ITPR1: variants seen among roughly 807,000 people sequenced by gnomAD.
ITPR1 encodes the protein inositol 1,4,5-trisphosphate receptor type 1, also known as inositol 1,4,5-trisphosphate-gated calcium channel ITPR1.
ITPR1 carries 96 observed loss-of-function variants against 318.4 expected under a neutral mutation model. The ratio of observed to expected loss-of-function variants is 0.30; its 90% CI spans 0.26 to 0.36. ITPR1 has a LOEUF of 0.36. ITPR1 is among the 10% of genes least tolerant of loss of function. The probability of loss-of-function intolerance (pLI) is 1.00; values close to 1 mark genes in which losing one functional copy is unlikely to be tolerated. For missense variants in ITPR1, 2,440 were observed against 3,460.2 expected (o/e 0.71, Z 7.40); for synonymous variants, 1,312 against 1,289.9 (o/e 1.02, Z -0.37).
chr3:4,767,565 T>G (rs6772040), intron 45 of ITPR1, among the ~76,000 whole-genome samples: 1 of 152,234 alleles, frequency 6.6e-6, no homozygotes, highest in African/African-American at 2.4e-5. Flanking sequence ...GTTGCCCAGG[T>G]TAGAGTGCAG....
intron 44 of ITPR1, among the ~76,000 whole-genome samples, chr3:4,745,809 T>G (rs1267956839): frequency 6.6e-6 from 1 of 152,178 alleles, no homozygotes; most frequent in African/African-American, 2.4e-5. Context: ...CATGACACTG[T>G]CATCTCCCTT....
chr3:4,788,193 C>A, intron 52 of ITPR1, 54 bp downstream of exon 52: 1 of 1,423,454 alleles, frequency 7.0e-7, no homozygotes, highest in Non-Finnish European at 9.7e-7. Context: ...TGGGATTTCA[C>A]AAACTTGGGC....
chr3:4,513,638 T>C (rs1251077350), intron 2 of ITPR1, among the ~76,000 whole-genome samples: 3 of 152,190 alleles, frequency 2.0e-5, no homozygotes, highest in Non-Finnish European at 4.4e-5. Flanking sequence ...TTCTGACTTA[T>C]GGAAGTATTA....
chr3:4,691,278 C>G lies in ITPR1; in HGVS notation c.3963C>G (p.Phe1321Leu). Residue 1321 changes from phenylalanine (F) to leucine (L), a missense_variant, in exon 32 of 62, where the codon TTC becomes TTG. Physicochemically the swap from Phe to Leu is conservative, Grantham distance 22. Transcript: ENST00000649015. The stretch of plus-strand genomic sequence containing the variant: ...GTCGGAATGTCCAGTATATAAAGTT[C>G]TTACAGACAATTGTCAAGGCAGAAG... ...THGRNVQYIK[F>L]LQTIVKAEGK... 14 of 1,613,360 alleles carry G rather than the reference C, an allele frequency of 8.7e-6. No homozygotes were observed. Among genetic ancestry groups the G allele is most frequent in the Non-Finnish European group, 1.2e-5 (14 of 1,179,452 alleles).
intron 44 of ITPR1, among the ~76,000 whole-genome samples, chr3:4,759,875 CT>C (rs1270553084): frequency 6.6e-6 from 1 of 152,214 alleles, no homozygotes; most frequent in Non-Finnish European, 1.5e-5. Flanking sequence ...CCCTTTCCCC[CT>C]GTCCAGTGGA....
chr3:4,619,824 T>C (rs1313956556), intron 4 of ITPR1, among the ~76,000 whole-genome samples: 7 of 108,024 alleles, frequency 6.5e-5, no homozygotes, highest in Non-Finnish European at 1.1e-4. Context: ...TCCCCTCCCC[T>C]CCTCTCCCCT....
chr3:4,764,472 A>G (rs1352702463), intron 44 of ITPR1, among the ~76,000 whole-genome samples: 1 of 152,366 alleles, frequency 6.6e-6, no homozygotes, highest in East Asian at 1.9e-4. Flanking sequence ...CAGGCGAGGC[A>G]TCTGCCTTCA....
At chr3:4,499,034 G>A (rs1409697371) in intron 2 of ITPR1, among the ~76,000 whole-genome samples, 1 of 152,112 alleles carries the variant, frequency 6.6e-6, no homozygotes, top group Non-Finnish European at 1.5e-5. Flanking sequence ...ACACACCTTG[G>A]ACTCGGCTAC....
At chr3:4,622,396 A>G (rs73011424) in intron 4 of ITPR1, among the ~76,000 whole-genome samples, 63,874 of 150,342 alleles carry the variant, frequency 0.42, 13,918 homozygotes, top group South Asian at 0.69. Flanking sequence ...TACAGGCATA[A>G]GCCACTGCGG....
chr3:4,800,969 C>G (rs1036580541), intron 54 of ITPR1, among the ~76,000 whole-genome samples: 1 of 152,106 alleles, frequency 6.6e-6, no homozygotes, highest in Non-Finnish European at 1.5e-5. Context: ...ATATTAACAC[C>G]GTACCCACTT....
chr3:4,764,082 G>A (rs1027902274), intron 44 of ITPR1, among the ~76,000 whole-genome samples: 2 of 152,218 alleles, frequency 1.3e-5, no homozygotes, highest in Non-Finnish European at 2.9e-5. Context: ...TCCTCTGTAA[G>A]CCCGCATGGG....
intron 36 of ITPR1, among the ~76,000 whole-genome samples, chr3:4,703,575 A>C (rs188672640): frequency 6.6e-6 from 1 of 152,288 alleles, no homozygotes; most frequent in Admixed American, 6.5e-5. Context: ...TCCTGCCTGA[A>C]GTTGAGAAGA....
chr3:4,651,239 G>T (rs1338479841), intron 10 of ITPR1, among the ~76,000 whole-genome samples: 1 of 152,170 alleles, frequency 6.6e-6, no homozygotes, highest in Non-Finnish European at 1.5e-5. Flanking sequence ...TGCATATGCA[G>T]TCTGATGTTC....
rs1206937793 is a variant in ITPR1 at position 4,630,594 on chromosome 3, T to TATTATC, written c.279+2721_279+2722insCATTAT. Reference sequence around the variant, plus strand: ...TTATTATTATTATTATTATTATTATTATTATTTTTAAGGCAGAGTCTCACT... The same window carrying TATTATC: ...TTATTATTATTATTATTATTATTATTATTATCATTATTTTTAAGGCAGAGTCTCACT... On this transcript the variant is annotated intron_variant, in intron 5 of 61. Transcript: ENST00000649015. 3.4e-4 allele frequency among the ~76,000 whole-genome samples: 51 copies of TATTATC among 148,744 alleles called. 1 individual carries two copies. Among genetic ancestry groups the TATTATC allele is most frequent in the African/African-American group, 1.2e-3 (48 of 40,720 alleles).
At chr3:4,573,865 TGACTTTCTTATG>T (rs2088304015) in intron 4 of ITPR1, among the ~76,000 whole-genome samples, 1 of 152,246 alleles carries the variant, frequency 6.6e-6, no homozygotes, top group Admixed American at 6.5e-5. Context: ...TATTTATTTG[TGACTTTCTTATG>T]GCTGTTTTCC....
intron 4 of ITPR1, among the ~76,000 whole-genome samples, chr3:4,616,818 C>G (rs540425611): frequency 6.6e-6 from 1 of 152,186 alleles, no homozygotes; most frequent in African/African-American, 2.4e-5. Flanking sequence ...GCACGGGAAA[C>G]TCCTATCTTC....
rs1230528045 is a variant in ITPR1, at chr3:4,693,666, A to G, written c.4206A>G (p.Thr1402=). The change falls in exon 33 of 62, where the codon ACA becomes ACG. Residue 1402 remains threonine (T), a synonymous_variant. Transcript: ENST00000649015. The part of the protein sequence containing the change: ...AVCTEGKNVY[T]EIKCNSLLPL... Reference sequence around the variant, plus strand: ...GCACGGAGGGTAAGAATGTCTACACAGAGATCAAGTGCAACTCCCTGCTCC... The same window carrying G: ...GCACGGAGGGTAAGAATGTCTACACGGAGATCAAGTGCAACTCCCTGCTCC... 2 of 1,613,974 alleles carry G rather than the reference A, an allele frequency of 1.2e-6. No homozygotes were observed. The highest frequency in any genetic ancestry group is 2.2e-5 in the South Asian group (2 of 91,074).
chr3:4,778,890 A>G (rs2046645448), intron 48 of ITPR1, among the ~76,000 whole-genome samples: 1 of 152,250 alleles, frequency 6.6e-6, no homozygotes, highest in South Asian at 2.1e-4. Flanking sequence ...GAAGCATACA[A>G]AGTATCATAG....
At chr3:4,661,932 G>A (rs1387414204) in intron 14 of ITPR1, 150 bp from the exon 15 acceptor site, 18 of 578,962 alleles carry the variant, frequency 3.1e-5, no homozygotes, top group Non-Finnish European at 3.8e-5. Context: ...TTTGGAGTAC[G>A]TCCTTGTAGA....
Sources: allele counts gnomAD v4.1 joint callset (sites outside exome capture counted in the v4.1 genomes callset), GRCh38; gene constraint gnomAD v4.1.1; transcripts MANE v1.5; gene names NCBI Gene and HGNC (gene_info 2026-07-23, HGNC 2026-07-21).